The following GABRB1 variants were observed in gnomAD, a reference collection of about 807,000 sequenced individuals.
GABRB1 encodes the protein gamma-aminobutyric acid receptor subunit beta-1.
Under a neutral mutation model 51.6 loss-of-function variants are expected in GABRB1, and 17 were observed. The ratio of observed to expected loss-of-function variants is 0.33; its 90% CI spans 0.23 to 0.49. GABRB1 has a LOEUF of 0.49. Among genes scored for constraint, GABRB1 ranks in the 20% least tolerant of loss-of-function variants. The pLI is 0.99. For missense variants in GABRB1, 410 were observed against 600.6 expected, an observed-to-expected ratio of 0.68 and a Z score of 3.32; for synonymous variants, 247 against 218.9, an observed-to-expected ratio of 1.13 and a Z score of -1.14.
At chr4:46,998,831 G>A (rs1235461840) in intron 1 of GABRB1, among the ~76,000 whole-genome samples, 1 of 150,762 alleles carries the variant, frequency 6.6e-6, no homozygotes, top group South Asian at 2.1e-4. Flanking sequence ...AATTGAAAAT[G>A]CCTAATAATG....
intron 5 of GABRB1, among the ~76,000 whole-genome samples, chr4:47,400,921 C>CTTT (rs71195629): frequency 0.015 from 1,432 of 98,486 alleles, 60 homozygotes; most frequent in African/African-American, 0.04. Flanking sequence ...TTGTTCTTCT[C>CTTT]TTTTTTTTTT....
intron 1 of GABRB1, among the ~76,000 whole-genome samples, chr4:46,998,653 G>A (rs1391727662): frequency 6.7e-6 from 1 of 149,734 alleles, no homozygotes; most frequent in Non-Finnish European, 1.5e-5. Context: ...AGAATGGAGT[G>A]AACCCGGGAG....
chr4:47,243,923 G>T (rs1431646426), intron 4 of GABRB1, among the ~76,000 whole-genome samples: 2 of 152,126 alleles, frequency 1.3e-5, no homozygotes, highest in African/African-American at 4.8e-5. Flanking sequence ...ACTCTATGTT[G>T]AATAGGATTA....
intron 4 of GABRB1, among the ~76,000 whole-genome samples, chr4:47,234,276 T>C: frequency 6.6e-6 from 1 of 152,032 alleles, no homozygotes; most frequent in African/African-American, 2.4e-5. Flanking sequence ...TCACCTGAGG[T>C]CAGGAGTTCG....
At chr4:47,312,431 A>G (rs1026983782) in intron 4 of GABRB1, among the ~76,000 whole-genome samples, 4 of 151,930 alleles carry the variant, frequency 2.6e-5, no homozygotes, top group Non-Finnish European at 4.4e-5. Context: ...CAAAAAATCT[A>G]TGTACTCTTT....
intron 4 of GABRB1, among the ~76,000 whole-genome samples, chr4:47,263,802 G>A (rs12512314): frequency 0.88 from 134,634 of 152,130 alleles, 59,831 homozygotes; most frequent in East Asian, 0.98. Flanking sequence ...ATAGATAGTG[G>A]TAAAGCAAAT....
chr4:47,046,867 TA>T (rs1387373782), intron 3 of GABRB1, among the ~76,000 whole-genome samples: 2 of 152,104 alleles, frequency 1.3e-5, no homozygotes, highest in African/African-American at 4.8e-5. Flanking sequence ...TAGAGGCCAT[TA>T]TCCTTAACAA....
intron 4 of GABRB1, among the ~76,000 whole-genome samples, chr4:47,191,073 G>A (rs1239621173): frequency 1.3e-5 from 2 of 152,126 alleles, no homozygotes; most frequent in Admixed American, 6.6e-5. Context: ...TCTTTCTCTT[G>A]CCTGGAAAGA....
At chr4:47,206,255 TTG>T (rs1215580657) in intron 4 of GABRB1, among the ~76,000 whole-genome samples, 5 of 152,026 alleles carry the variant, frequency 3.3e-5, no homozygotes, top group African/African-American at 1.2e-4. Context: ...TTTTTATTCT[TTG>T]TTTGTTTTAA....
chr4:47,224,218 A>T (rs1313825005), intron 4 of GABRB1, among the ~76,000 whole-genome samples: 1 of 152,024 alleles, frequency 6.6e-6, no homozygotes, highest in East Asian at 1.9e-4. Context: ...TCCACATTTG[A>T]CTCAAATAAG....
chr4:47,340,106 A>G (rs1256326883), intron 5 of GABRB1, among the ~76,000 whole-genome samples: 1 of 152,220 alleles, frequency 6.6e-6, no homozygotes, highest in East Asian at 1.9e-4. Context: ...TCAAGGTGTT[A>G]CAAGTTTTAA....
intron 4 of GABRB1, among the ~76,000 whole-genome samples, chr4:47,199,944 C>T (rs1719835871): frequency 6.6e-6 from 1 of 152,074 alleles, no homozygotes. Flanking sequence ...TTGTTTTTCT[C>T]CAGCTACTTT....
At chr4:47,030,277 T>C (rs1211179709), upstream of GABRB1, among the ~76,000 whole-genome samples, 1 of 152,212 alleles carries the variant, frequency 6.6e-6, no homozygotes, top group African/African-American at 2.4e-5. Flanking sequence ...AATTTTTTGT[T>C]ATTATTGTAA....
chr4:47,235,748 A>G (rs548306503), intron 4 of GABRB1, among the ~76,000 whole-genome samples: 1 of 152,228 alleles, frequency 6.6e-6, no homozygotes, highest in South Asian at 2.1e-4. Flanking sequence ...AAAATATTTG[A>G]ATATTCTAGT....
chr4:47,059,863 G>A (rs1368264375), intron 3 of GABRB1, among the ~76,000 whole-genome samples: 1 of 152,170 alleles, frequency 6.6e-6, no homozygotes, highest in African/African-American at 2.4e-5. Context: ...TCAACCGCTT[G>A]CTGGTCATTT....
intron 3 of GABRB1, among the ~76,000 whole-genome samples, chr4:47,087,304 C>T (rs555550271): frequency 6.6e-6 from 1 of 151,970 alleles, no homozygotes; most frequent in Non-Finnish European, 1.5e-5. Flanking sequence ...AAATGTTAAC[C>T]GTGAATTATA....
chr4:47,258,050 G>A (rs533350915), intron 4 of GABRB1, among the ~76,000 whole-genome samples: 2 of 152,194 alleles, frequency 1.3e-5, no homozygotes, highest in South Asian at 2.1e-4. Context: ...TAAAAATAGA[G>A]TTCAGGTTGA....
Position 47,186,804 on chromosome 4 carries a change from T to A in GABRB1, c.461+25335T>A, listed in dbSNP as rs186021522. 2.8e-3 allele frequency among the ~76,000 whole-genome samples: 422 copies of A among 152,048 alleles called. 6 individuals are homozygous for A. Among genetic ancestry groups the A allele is most frequent in the East Asian group, 7.7e-4 (4 of 5,174 alleles). ...GAGACTCCTTTGGCATTGTTGTTGG[T>A]TAGCTCTTAGAGGTGCTTTATCCAA... On this transcript the variant is annotated intron_variant, in intron 4 of 8. Transcript: ENST00000295454.
chr4:47,323,816 GA>G, intron 5 of GABRB1, among the ~76,000 whole-genome samples: 1 of 152,298 alleles, frequency 6.6e-6, no homozygotes, highest in East Asian at 1.9e-4. Context: ...AAGTAAAATT[GA>G]AAAAGCCATA....
Sources: gnomAD v4.1 joint callset for allele counts (sites outside exome capture counted in the v4.1 genomes callset) on GRCh38, gnomAD v4.1.1 for gene constraint, MANE v1.5 for transcripts, NCBI Gene and HGNC (gene_info 2026-07-23, HGNC 2026-07-21) for gene names.